ST6GALNAC3: variants seen among roughly 807,000 people sequenced by gnomAD.
ST6GALNAC3 encodes alpha-N-acetylgalactosaminide alpha-2,6-sialyltransferase 3.
ST6GALNAC3 carries 25 observed loss-of-function variants against 32.7 expected under a neutral mutation model. The ratio of observed to expected loss-of-function variants is 0.76; its 90% CI spans 0.56 to 1.07. The LOEUF (loss-of-function observed/expected upper bound fraction) is 1.07, where lower values mean the gene tolerates loss of function less well. Among genes scored for constraint, ST6GALNAC3 ranks in the 50% least tolerant of loss-of-function variants. The pLI, the probability that ST6GALNAC3 is intolerant of heterozygous loss-of-function variation, is 0.00. For missense variants in ST6GALNAC3, 355 were observed against 382.4 expected (o/e 0.93, Z 0.60); for synonymous variants, 129 against 133.1 (o/e 0.97, Z 0.21).
chr1:76,575,259 A>T (rs1367497048), intron 3 of ST6GALNAC3, among the ~76,000 whole-genome samples: 1 of 152,124 alleles, frequency 6.6e-6, no homozygotes, highest in African/African-American at 2.4e-5. Context: ...TCCTTCTAAA[A>T]ATAAAACAAC....
chr1:76,363,480 A>G (rs529398207), intron 2 of ST6GALNAC3, among the ~76,000 whole-genome samples: 1 of 152,268 alleles, frequency 6.6e-6, no homozygotes, highest in East Asian at 1.9e-4. Context: ...GAAGTTCCAA[A>G]CATTCCCTCA....
At chr1:76,360,794 A>G (rs1649866305) in intron 2 of ST6GALNAC3, among the ~76,000 whole-genome samples, 1 of 152,216 alleles carries the variant, frequency 6.6e-6, no homozygotes, top group Non-Finnish European at 1.5e-5. Flanking sequence ...AGTTATTAAT[A>G]GTGATTGTCA....
chr1:76,207,386 T>C (rs140906487), intron 1 of ST6GALNAC3, among the ~76,000 whole-genome samples: 7 of 152,340 alleles, frequency 4.6e-5, no homozygotes, highest in African/African-American at 1.7e-4. Flanking sequence ...TTAGTGCCAT[T>C]TGTGAGAATA....
intron 1 of ST6GALNAC3, among the ~76,000 whole-genome samples, chr1:76,090,662 G>A (rs1021193362): frequency 1.3e-5 from 2 of 152,108 alleles, no homozygotes; most frequent in East Asian, 1.9e-4. Context: ...TCTCCTCCAA[G>A]GCACTCAGCC....
At chr1:76,588,212 AG>A (rs565829815) in intron 3 of ST6GALNAC3, among the ~76,000 whole-genome samples, 88 of 152,172 alleles carry the variant, frequency 5.8e-4, no homozygotes, top group African/African-American at 2.0e-3. Flanking sequence ...TTGTTTAAAT[AG>A]GGCCTGTCCA....
chr1:76,365,866 T>A (rs1341057722), intron 2 of ST6GALNAC3, among the ~76,000 whole-genome samples: 2 of 152,206 alleles, frequency 1.3e-5, no homozygotes, highest in Non-Finnish European at 2.9e-5. Flanking sequence ...TATTGATGTA[T>A]ACATCAATAA....
intron 1 of ST6GALNAC3, among the ~76,000 whole-genome samples, chr1:76,135,529 C>T (rs11162086): frequency 0.29 from 43,719 of 152,110 alleles, 7,009 homozygotes; most frequent in East Asian, 0.77. Flanking sequence ...GTTTCACCTA[C>T]TCAGATCAAA....
At chr1:76,548,078 ATTG>A (rs1376012573) in intron 3 of ST6GALNAC3, among the ~76,000 whole-genome samples, 1 of 152,112 alleles carries the variant, frequency 6.6e-6, no homozygotes, top group Non-Finnish European at 1.5e-5. Flanking sequence ...TCATAGTGCC[ATTG>A]TTAAGCTCCA....
chr1:76,134,556 T>A (rs1315148495), intron 1 of ST6GALNAC3, among the ~76,000 whole-genome samples: 1 of 152,206 alleles, frequency 6.6e-6, no homozygotes, highest in African/African-American at 2.4e-5. Context: ...ATTGGGCTTT[T>A]TCCTGCTCAG....
At chr1:76,097,197 G>A (rs1647148584) in intron 1 of ST6GALNAC3, among the ~76,000 whole-genome samples, 1 of 152,208 alleles carries the variant, frequency 6.6e-6, no homozygotes, top group Non-Finnish European at 1.5e-5. Flanking sequence ...GGGATTACAG[G>A]CGTGAACCAC....
chr1:76,341,288 G>T (rs1647949604), intron 2 of ST6GALNAC3, among the ~76,000 whole-genome samples: 2 of 151,790 alleles, frequency 1.3e-5, no homozygotes, highest in Admixed American at 1.3e-4. Flanking sequence ...GCTCCTGCTT[G>T]TAAGTGAGAA....
intron 3 of ST6GALNAC3, among the ~76,000 whole-genome samples, chr1:76,469,095 G>A (rs1571329851): frequency 6.6e-6 from 1 of 152,012 alleles, no homozygotes; most frequent in Non-Finnish European, 1.5e-5. Flanking sequence ...AACAATTCTT[G>A]CATATGTTTA....
intron 1 of ST6GALNAC3, among the ~76,000 whole-genome samples, chr1:76,163,966 C>T (rs1012077550): frequency 6.6e-6 from 1 of 152,154 alleles, no homozygotes; most frequent in Admixed American, 6.6e-5. Flanking sequence ...TATTTTGCTA[C>T]TTTTACACAT....
At chr1:76,535,326 C>T (rs1019474537) in intron 3 of ST6GALNAC3, among the ~76,000 whole-genome samples, 1 of 152,136 alleles carries the variant, frequency 6.6e-6, no homozygotes, top group Non-Finnish European at 1.5e-5. Flanking sequence ...GAAGTTATCA[C>T]AGTTATAAAC....
intron 3 of ST6GALNAC3, among the ~76,000 whole-genome samples, chr1:76,484,627 G>A (rs1659972863): frequency 6.6e-6 from 1 of 152,188 alleles, no homozygotes; most frequent in African/African-American, 2.4e-5. Context: ...TTTGGGCTGA[G>A]ACAATGGGGT....
At chr1:76,205,428 C>A (rs889340751) in intron 1 of ST6GALNAC3, among the ~76,000 whole-genome samples, 2 of 152,016 alleles carry the variant, frequency 1.3e-5, no homozygotes, top group African/African-American at 4.8e-5. Context: ...ACAGGTCAGC[C>A]CTGATTCATC....
chr1:76,077,158 G>A (rs1646828001), intron 1 of ST6GALNAC3, among the ~76,000 whole-genome samples: 1 of 152,150 alleles, frequency 6.6e-6, no homozygotes, highest in Non-Finnish European at 1.5e-5. Context: ...TATGATTTTA[G>A]ACAGCTGCTG....
At chr1:76,283,048 G>GAA (rs111423971) in intron 1 of ST6GALNAC3, among the ~76,000 whole-genome samples, 24 of 148,484 alleles carry the variant, frequency 1.6e-4, no homozygotes, top group Admixed American at 7.4e-4. Flanking sequence ...GCCTCAAAAA[G>GAA]AAAAAAAAAA....
chr1:76,496,224 C>T (rs950055555), intron 3 of ST6GALNAC3, among the ~76,000 whole-genome samples: 9 of 152,072 alleles, frequency 5.9e-5, no homozygotes, highest in South Asian at 4.1e-4. Flanking sequence ...GCACCAACTG[C>T]GGTACAAAAA....
Sources: gnomAD v4.1 joint callset for allele counts (sites outside exome capture counted in the v4.1 genomes callset) on GRCh38, gnomAD v4.1.1 for gene constraint, MANE v1.5 for transcripts, NCBI Gene and HGNC (gene_info 2026-07-23, HGNC 2026-07-21) for gene names.